LRRC7: variants seen among roughly 807,000 people sequenced by gnomAD.
LRRC7 encodes the protein leucine rich repeat containing 7, also known as leucine-rich repeat-containing protein 7.
In LRRC7, 23 loss-of-function variants were observed where a neutral mutation model predicts 175.7. That is an observed-to-expected ratio of 0.13 (90% CI 0.09 to 0.19). LRRC7 has a LOEUF of 0.19. Among genes scored for constraint, LRRC7 ranks in the 10% least tolerant of loss-of-function variants. LRRC7 has a pLI of 1.00. For synonymous variants in LRRC7, 685 were observed against 680.9 expected (o/e 1.01, Z -0.09); for missense variants, 1,354 against 1,904.7 (o/e 0.71, Z 5.38).
intron 7 of LRRC7, chr1:69,919,443 T>G (rs1004454132): frequency 5.4e-5 from 52 of 959,308 alleles, no homozygotes; most frequent in Non-Finnish European, 7.9e-5. Flanking sequence ...ACCACATCAC[T>G]AACCCCAGCC....
chr1:69,813,773 G>C (rs1338878998), intron 4 of LRRC7, among the ~76,000 whole-genome samples: 4 of 152,074 alleles, frequency 2.6e-5, no homozygotes, highest in Non-Finnish European at 4.4e-5. Context: ...CCTTAGAAGA[G>C]AGTTCATTGT....
chr1:69,641,142 T>G (rs895832746), intron 1 of LRRC7, among the ~76,000 whole-genome samples: 8 of 151,646 alleles, frequency 5.3e-5, no homozygotes, highest in Non-Finnish European at 1.2e-4. Flanking sequence ...TTTATAACTT[T>G]TTACATTAGG....
intron 21 of LRRC7, among the ~76,000 whole-genome samples, chr1:70,043,251 T>A (rs1184362501): frequency 1.3e-5 from 2 of 152,130 alleles, no homozygotes; most frequent in African/African-American, 4.8e-5. Context: ...AATCAATAAA[T>A]TATAATTGCT....
chr1:69,983,891 T>C (rs12047501), intron 9 of LRRC7, among the ~76,000 whole-genome samples: 9,428 of 152,228 alleles, frequency 0.062, 284 homozygotes, highest in South Asian at 0.11. Flanking sequence ...TGTTAAAATG[T>C]GGATTCTGAT....
chr1:70,110,982 T>A (rs17131209), intron 26 of LRRC7, among the ~76,000 whole-genome samples: 19,524 of 152,176 alleles, frequency 0.13, 1,734 homozygotes, highest in African/African-American at 0.25. Flanking sequence ...GATCAGAATC[T>A]TGTGTTTTCA....
At chr1:69,918,844 A>G (rs778659796) in intron 7 of LRRC7, among the ~76,000 whole-genome samples, 3 of 152,206 alleles carry the variant, frequency 2.0e-5, no homozygotes, top group Admixed American at 6.5e-5. Flanking sequence ...AATAAGCTTC[A>G]GGAAATGGGT....
intron 7 of LRRC7, among the ~76,000 whole-genome samples, chr1:69,877,488 C>G (rs72676819): frequency 6.6e-6 from 1 of 151,984 alleles, no homozygotes; most frequent in African/African-American, 2.4e-5. Context: ...TTAAAAAAAA[C>G]CAGTTTTATT....
intron 2 of LRRC7, among the ~76,000 whole-genome samples, chr1:69,705,410 C>G (rs548287866): frequency 6.6e-6 from 1 of 152,224 alleles, no homozygotes; most frequent in African/African-American, 2.4e-5. Context: ...ATCATTGGGA[C>G]AGGATGTGTA....
At chr1:69,694,607 C>T (rs1032645668) in intron 2 of LRRC7, among the ~76,000 whole-genome samples, 2 of 152,074 alleles carry the variant, frequency 1.3e-5, no homozygotes, top group Admixed American at 1.3e-4. Flanking sequence ...TAGAAGTGGG[C>T]CTAGTGGGTG....
In LRRC7 at chr1:70,038,180, C is replaced by T. The variant is rs1391310817; in HGVS notation, c.2356C>T (p.Pro786Ser). ...ACTCAGCCAGCGGGAGGCTGTTCCC[C>T]CAGGCAATATACCACAGCGTCCTGA... ...PLLSQREAVPPGNIPQRPDRL... is the reference protein window; with the variant it reads ...PLLSQREAVPSGNIPQRPDRL... The change falls in exon 21 of 27, where the codon CCA (proline) becomes TCA (serine). Residue 786 changes from proline to serine, a missense_variant. This residue lies in a region of LRRC7 where 1,032 missense variants were observed against 1,227.2 expected (regional missense o/e 0.84). Coordinates refer to ENST00000651989, the MANE Select transcript of LRRC7 (RefSeq NM_001370785.2). 2 of 1,614,120 alleles carry T rather than the reference C, an allele frequency of 1.2e-6. No homozygotes were observed. The highest frequency in any genetic ancestry group is 1.7e-6 in the Non-Finnish European group (2 of 1,179,978).
intron 7 of LRRC7, among the ~76,000 whole-genome samples, chr1:69,892,024 G>T (rs1330517314): frequency 3.3e-5 from 5 of 152,048 alleles, no homozygotes; most frequent in Non-Finnish European, 7.4e-5. Flanking sequence ...ACTTGATTGT[G>T]GTAATAATTT....
At chr1:69,961,784 G>T (rs1651114989) in intron 8 of LRRC7, among the ~76,000 whole-genome samples, 1 of 152,182 alleles carries the variant, frequency 6.6e-6, no homozygotes. Context: ...CTAGCCATAT[G>T]CAGAAAGTTG....
chr1:69,834,887 A>G lies in LRRC7; in HGVS notation c.590+18A>G. ...TTTGGAAGGTAAGAATAAGAAATTT[A>G]AATTATGCAATTATATCTCACCTTA... On this transcript the variant is annotated intron_variant, in intron 6 of 26. Transcript: ENST00000651989. The G allele has an allele frequency of 1.3e-6, 2 of 1,586,382 alleles. No individual in the cohort carries two copies. Among genetic ancestry groups the G allele is most frequent in the Non-Finnish European group, 8.7e-7 (1 of 1,155,370 alleles).
chr1:69,598,312 A>G (rs1646921621), intron 1 of LRRC7, among the ~76,000 whole-genome samples: 1 of 152,166 alleles, frequency 6.6e-6, no homozygotes, highest in Non-Finnish European at 1.5e-5. Context: ...TAAAATAAGT[A>G]GTGATGGCAA....
rs555241696 is a variant in LRRC7, at chr1:69,820,606, G to A, written c.422-5142G>A. On this transcript the variant is annotated intron_variant, in intron 4 of 26. Transcript: ENST00000651989. Reference sequence around the variant, plus strand: ...AACTCCCACTTATGAGTGAGAACATGTGGTGTTTGGTTTTCTGTTCCAGTG... The same window carrying A: ...AACTCCCACTTATGAGTGAGAACATATGGTGTTTGGTTTTCTGTTCCAGTG... Among the ~76,000 whole-genome samples the A allele has an allele frequency of 4.8e-4, 73 of 152,194 alleles. 1 individual carries two copies. In the South Asian group the frequency reaches 0.015, roughly 30 times the overall value.
chr1:69,916,184 C>CATATTTCATATATATAATATATATTAT (rs1553174073), intron 7 of LRRC7, among the ~76,000 whole-genome samples: 2 of 22,972 alleles, frequency 8.7e-5, no homozygotes, highest in Non-Finnish European at 8.7e-5. Flanking sequence ...ATATATATTA[C>CATATTTCATATATATAATATATATTAT]ATACATATTT....
At chr1:70,010,632 T>A (rs926684158) in intron 11 of LRRC7, among the ~76,000 whole-genome samples, 1 of 152,200 alleles carries the variant, frequency 6.6e-6, no homozygotes, top group Non-Finnish European at 1.5e-5. Context: ...CATTTTTCCC[T>A]TTACATTGGT....
intron 7 of LRRC7, among the ~76,000 whole-genome samples, chr1:69,870,555 C>T (rs1685424450): frequency 6.6e-6 from 1 of 152,024 alleles, no homozygotes. Flanking sequence ...CCATATTAAG[C>T]TCCCTTATGA....
At chr1:69,578,910 C>T (rs952719635) in intron 1 of LRRC7, among the ~76,000 whole-genome samples, 4 of 149,896 alleles carry the variant, frequency 2.7e-5, no homozygotes, top group African/African-American at 9.9e-5. Flanking sequence ...GCACATTGTG[C>T]ACATGTACCC....
Sources: gnomAD v4.1 joint callset for allele counts (sites outside exome capture counted in the v4.1 genomes callset) on GRCh38, gnomAD v4.1.1 for gene constraint, gnomAD v4.1.1 regional missense constraint, MANE v1.5 for transcripts, NCBI Gene and HGNC (gene_info 2026-07-23, HGNC 2026-07-21) for gene names.